MX1: variants seen among roughly 807,000 people sequenced by gnomAD.
The protein encoded by MX1 is interferon-induced GTP-binding protein Mx1.
MX1 carries 66 observed loss-of-function variants against 66.4 expected under a neutral mutation model. The ratio of observed to expected loss-of-function variants is 0.99; its 90% CI spans 0.82 to 1.22. The LOEUF is 1.22. Ranked by LOEUF, MX1 falls within the 50% of genes most tolerant of loss-of-function variation. The pLI is 0.00. For synonymous variants in MX1, 311 were observed against 318.1 expected (o/e 0.98, Z 0.24); for missense variants, 787 against 834.3 (o/e 0.94, Z 0.70).
At chr21:41,434,364 A>T (rs978994759) in intron 5 of MX1, among the ~76,000 whole-genome samples, 1 of 152,214 alleles carries the variant, frequency 6.6e-6, no homozygotes, top group Non-Finnish European at 1.5e-5. Context: ...TATGGAAATT[A>T]GGTAATGCTA....
Position 41,441,976 on chromosome 21 carries a change from G to A in MX1, c.929+62G>A, listed in dbSNP as rs1568982730. 2 of 1,564,486 alleles carry A rather than the reference G, an allele frequency of 1.3e-6. No homozygotes were observed. Among genetic ancestry groups the A allele is most frequent in the Non-Finnish European group, 1.8e-6 (2 of 1,136,124 alleles). ...GCCCAGGATGTCAGGCCTTCCAGGG[G>A]ACAGTGGCAGCCGTCCCACAGATGT... On this transcript the variant is annotated intron_variant, in intron 10 of 16. Coordinates refer to ENST00000398598, the MANE Select transcript of MX1 (RefSeq NM_002462.5). The surrounding 1 kb of genome is among the most constrained non-coding windows in gnomAD (Gnocchi z 4.0).
At position 41,437,069 on chromosome 21, in the gene MX1, A is replaced by T. The variant is rs557662342; in HGVS notation, c.353A>T (p.Asp118Val). 1 of 1,614,022 alleles carries T rather than the reference A, an allele frequency of 6.2e-7. No homozygotes were observed. The highest frequency in any genetic ancestry group is 1.1e-5 in the South Asian group (1 of 91,082). ...AAACTGAAGAAACTTGTGAACGAAG[A>T]TAAGTGGAGAGGCAAGGTCAGTTAC... ...VLKLKKLVNE[D>V]KWRGKVSYQD... The change falls in exon 7 of 17, where the codon GAT becomes GTT. Residue 118 changes from aspartate (D) to valine (V), a missense_variant. By Grantham distance (152) the Asp-to-Val change is radical. Transcript: ENST00000398598.
upstream of MX1, among the ~76,000 whole-genome samples, chr21:41,424,570 CTG>C: frequency 6.6e-6 from 1 of 152,200 alleles, no homozygotes; most frequent in African/African-American, 2.4e-5. Context: ...TTGTAAGGGA[CTG>C]TGAGCTGAGC....
rs767252754 is a variant in MX1 at position 41,437,047 on chromosome 21, C to G, written c.331C>G (p.Leu111Val). The G allele has an allele frequency of 5.0e-6, 8 of 1,613,938 alleles. No individual in the cohort carries two copies. In the South Asian group the frequency reaches 8.8e-5, roughly 18 times the overall value. The change falls in exon 7 of 17, where the codon CTG becomes GTG. Residue 111 changes from leucine to valine, a missense_variant. Physicochemically the swap from Leu to Val is conservative, Grantham distance 32. Transcript: ENST00000398598. Reference sequence around the variant, plus strand: ...GACCAGATGCCCGCTGGTGCTGAAACTGAAGAAACTTGTGAACGAAGATAA... The same window carrying G: ...GACCAGATGCCCGCTGGTGCTGAAAGTGAAGAAACTTGTGAACGAAGATAA... ...IVTRCPLVLK[L>V]KKLVNEDKWR...
At chr21:41,437,456 T>C (rs993119650) in intron 7 of MX1, among the ~76,000 whole-genome samples, 8 of 150,036 alleles carry the variant, frequency 5.3e-5, no homozygotes, top group African/African-American at 1.7e-4. Flanking sequence ...CAGGGCAACA[T>C]AGTGAGACCC....
chr21:41,456,043 AC>A (rs2146371113), intron 16 of MX1, among the ~76,000 whole-genome samples: 1 of 152,228 alleles, frequency 6.6e-6, no homozygotes, highest in South Asian at 2.1e-4. Context: ...GGAGTTTGAG[AC>A]CAGCCTGGCC....
chr21:41,433,085 AAGG>A (rs1405669870), intron 5 of MX1, among the ~76,000 whole-genome samples: 1 of 152,208 alleles, frequency 6.6e-6, no homozygotes, highest in East Asian at 1.9e-4. Context: ...TTTTCCAGTC[AAGG>A]AGAACAGAGT....
In MX1 at chr21:41,437,015, G is replaced by A. The variant is rs773490233; in HGVS notation, c.299G>A (p.Gly100Glu). The change falls in exon 7 of 17, where the codon GGG becomes GAG. Residue 100 changes from glycine to glutamate, a missense_variant and splice_region_variant. Physicochemically the swap from Gly to Glu is moderately conservative, Grantham distance 98. Coordinates refer to ENST00000398598, the MANE Select transcript of MX1 (RefSeq NM_002462.5). ...LSGVALPRGS[G>E]IVTRCPLVLK... ...CACTGATGTGGGCGTGGCCTCCTAG[G>A]GATCGTGACCAGATGCCCGCTGGTG... 11 of 1,613,722 alleles carry A rather than the reference G, an allele frequency of 6.8e-6. No homozygotes were observed. Among genetic ancestry groups the A allele is most frequent in the Non-Finnish European group, 9.3e-6 (11 of 1,179,844 alleles).
chr21:41,421,313 C>G (rs1194585325), upstream of MX1: 1 of 152,272 alleles, frequency 6.6e-6, no homozygotes, highest in East Asian at 1.9e-4. Flanking sequence ...TATACCGAGA[C>G]ATTCCATTGC....
At position 41,452,671 on chromosome 21, in the gene MX1, G is replaced by T; in HGVS notation, c.1560G>T (p.Leu520=). 6.2e-7 allele frequency: 1 copy of T among 1,614,214 alleles called. No individual in the cohort carries two copies. Among genetic ancestry groups the T allele is most frequent in the Non-Finnish European group, 8.5e-7 (1 of 1,180,046 alleles). ...AACAAGAGAGAGAAGGTGAGAAGCTGATCCGCCTCCACTTCCAGATGGAAC... is the reference window on the plus strand; with the variant it reads ...AACAAGAGAGAGAAGGTGAGAAGCTTATCCGCCTCCACTTCCAGATGGAAC... ...RAEQEREGEK[L]IRLHFQMEQI... The change falls in exon 16 of 17, where the codon CTG becomes CTT. Residue 520 remains leucine, a synonymous_variant. Coordinates refer to ENST00000398598, the MANE Select transcript of MX1 (RefSeq NM_002462.5).
Position 41,439,851 on chromosome 21 carries a change from C to T in MX1, c.591+3C>T. On this transcript the variant is annotated splice_donor_region_variant and intron_variant, in intron 8 of 16. Coordinates refer to ENST00000398598, the MANE Select transcript of MX1 (RefSeq NM_002462.5). ...AGCCTGCTGACATTGGGTATAAGGT[C>T]AGACTTCAGACCCATTCTGACCTTG... 1 of 1,602,028 alleles carries T rather than the reference C, an allele frequency of 6.2e-7. No individual in the cohort carries two copies. Among genetic ancestry groups the T allele is most frequent in the Non-Finnish European group, 8.5e-7 (1 of 1,173,118 alleles).
chr21:41,447,918 T>G (rs1253396302), intron 13 of MX1, among the ~76,000 whole-genome samples: 2 of 152,088 alleles, frequency 1.3e-5, no homozygotes, highest in African/African-American at 4.8e-5. Context: ...TTAGTAGAGA[T>G]GGGGTTTCAC....
chr21:41,435,378 T>G (rs1286768783), intron 5 of MX1, among the ~76,000 whole-genome samples: 1 of 152,224 alleles, frequency 6.6e-6, no homozygotes, highest in Non-Finnish European at 1.5e-5. Flanking sequence ...CTTTTGGGGA[T>G]TCCAGTAACC....
chr21:41,450,140 CA>C (rs2090784258), intron 14 of MX1, among the ~76,000 whole-genome samples: 1 of 152,232 alleles, frequency 6.6e-6, no homozygotes, highest in African/African-American at 2.4e-5. Context: ...GCTTCACACT[CA>C]AAATCGGCTG....
chr21:41,440,054 A>C (rs2090465861), intron 8 of MX1, among the ~76,000 whole-genome samples: 1 of 152,152 alleles, frequency 6.6e-6, no homozygotes, highest in Non-Finnish European at 1.5e-5. Flanking sequence ...TTCTTTGGAG[A>C]AAGTGAGGCC....
At chr21:41,438,963 C>T (rs1428365186) in intron 7 of MX1, among the ~76,000 whole-genome samples, 6 of 152,090 alleles carry the variant, frequency 3.9e-5, no homozygotes, top group Admixed American at 3.9e-4. Flanking sequence ...CATATCTCTG[C>T]CTTTGTAAGC....
At chr21:41,454,855 G>C (rs2090921291) in intron 16 of MX1, among the ~76,000 whole-genome samples, 1 of 151,920 alleles carries the variant, frequency 6.6e-6, no homozygotes, top group African/African-American at 2.4e-5. Context: ...CTGGGATCTT[G>C]TGGAAATGCA....
intron 16 of MX1, among the ~76,000 whole-genome samples, chr21:41,457,311 G>A (rs541615309): frequency 1.4e-4 from 21 of 152,304 alleles, no homozygotes; most frequent in African/African-American, 4.1e-4. Context: ...TAGACTATGC[G>A]TAAGTTTTCT....
intron 14 of MX1, among the ~76,000 whole-genome samples, chr21:41,449,977 C>T (rs1182355456): frequency 6.6e-6 from 1 of 152,110 alleles, no homozygotes; most frequent in Non-Finnish European, 1.5e-5. Flanking sequence ...ATGTAGGGGC[C>T]CACCAGGCAT....
Sources: gnomAD v4.1 joint callset for allele counts (sites outside exome capture counted in the v4.1 genomes callset) on GRCh38, gnomAD v4.1.1 for gene constraint, Gnocchi (gnomAD v3.1) non-coding constraint, MANE v1.5 for transcripts, NCBI Gene and HGNC (gene_info 2026-07-23, HGNC 2026-07-21) for gene names.